The following RGS6 variants were observed in gnomAD, a reference collection of about 807,000 sequenced individuals.
The protein encoded by RGS6 is regulator of G-protein signaling 6.
A neutral mutation model predicts 78.5 loss-of-function variants in RGS6; 30 were observed. The observed-to-expected ratio is 0.38, with a 90% CI of 0.29 to 0.52. The LOEUF (loss-of-function observed/expected upper bound fraction) is 0.52, where lower values mean the gene tolerates loss of function less well. RGS6 is among the 20% of genes least tolerant of loss of function. The pLI is 0.85. For synonymous variants in RGS6, 206 were observed against 206.0 expected (o/e 1.00, Z 0.00); for missense variants, 495 against 609.7 (o/e 0.81, Z 1.98).
At chr14:72,527,427 A>G (rs2097132617) in intron 15 of RGS6, among the ~76,000 whole-genome samples, 1 of 152,208 alleles carries the variant, frequency 6.6e-6, no homozygotes, top group South Asian at 2.1e-4. Context: ...TCCTGGTTCC[A>G]TACTTACCTT....
intron 2 of RGS6, among the ~76,000 whole-genome samples, chr14:71,976,796 C>A (rs1249590631): frequency 6.6e-6 from 1 of 150,766 alleles, no homozygotes; most frequent in Non-Finnish European, 1.5e-5. Flanking sequence ...ATGGCTGGGT[C>A]AAATGGTATT....
chr14:71,952,459 A>T (rs974670039), intron 1 of RGS6, among the ~76,000 whole-genome samples: 15 of 151,862 alleles, frequency 9.9e-5, no homozygotes, highest in African/African-American at 3.6e-4. Flanking sequence ...TCTTCTTTTT[A>T]TACCATATCT....
the RGS6 span, among the ~76,000 whole-genome samples, chr14:72,584,455 A>T: frequency 6.6e-6 from 1 of 152,206 alleles, no homozygotes; most frequent in Non-Finnish European, 1.5e-5. Flanking sequence ...GCTACTTTAG[A>T]TTGGGTGGTC....
intron 2 of RGS6, among the ~76,000 whole-genome samples, chr14:72,174,770 A>G (rs2097082934): frequency 6.6e-6 from 1 of 152,188 alleles, no homozygotes; most frequent in Admixed American, 6.5e-5. Flanking sequence ...TATCAGAGCT[A>G]TTCAACCATT....
intron 2 of RGS6, 72 bp from the exon 3 acceptor site, chr14:72,352,023 C>G (rs2079189933): frequency 9.1e-7 from 1 of 1,100,440 alleles, no homozygotes; most frequent in Non-Finnish European, 1.3e-6. Context: ...TACATTTGGG[C>G]TGTTTAAAAA....
At chr14:72,165,881 T>G (rs2096918401) in intron 2 of RGS6, among the ~76,000 whole-genome samples, 1 of 152,240 alleles carries the variant, frequency 6.6e-6, no homozygotes, top group Non-Finnish European at 1.5e-5. Context: ...ATTCTTGCTG[T>G]GTTAAATATA....
intron 2 of RGS6, among the ~76,000 whole-genome samples, chr14:72,276,402 T>G (rs1345700623): frequency 1.3e-5 from 2 of 152,172 alleles, no homozygotes; most frequent in Non-Finnish European, 2.9e-5. Flanking sequence ...TTGCAGAATA[T>G]ACATGCAGCA....
At chr14:72,024,043 A>G (rs2089306461) in intron 2 of RGS6, among the ~76,000 whole-genome samples, 2 of 112,864 alleles carry the variant, frequency 1.8e-5, no homozygotes, top group Non-Finnish European at 3.9e-5. Flanking sequence ...TCTGCTTTGT[A>G]CATGTAGCAC....
intron 12 of RGS6, among the ~76,000 whole-genome samples, chr14:72,483,059 A>G (rs939060198): frequency 1.1e-4 from 16 of 152,198 alleles, no homozygotes; most frequent in African/African-American, 3.9e-4. Flanking sequence ...AAGTTGCCAG[A>G]TAAACAAGGT....
intron 1 of RGS6, among the ~76,000 whole-genome samples, chr14:71,960,060 C>T (rs1269184012): frequency 2.6e-5 from 4 of 152,176 alleles, no homozygotes; most frequent in African/African-American, 9.7e-5. Flanking sequence ...GAACCCTAGG[C>T]TTTGCTTGTT....
intron 2 of RGS6, among the ~76,000 whole-genome samples, chr14:72,242,043 G>T (rs2052997258): frequency 6.6e-6 from 1 of 152,210 alleles, no homozygotes; most frequent in Non-Finnish European, 1.5e-5. Flanking sequence ...AGCCAAAAGA[G>T]TTCTTTCTCT....
At chr14:71,941,542 A>T (rs1410654658) in intron 1 of RGS6, among the ~76,000 whole-genome samples, 1 of 152,214 alleles carries the variant, frequency 6.6e-6, no homozygotes. Flanking sequence ...GTCCCACAAT[A>T]GGCTATCTGT....
At chr14:72,153,372 G>T (rs916693195) in intron 2 of RGS6, among the ~76,000 whole-genome samples, 1 of 152,214 alleles carries the variant, frequency 6.6e-6, no homozygotes, top group Non-Finnish European at 1.5e-5. Flanking sequence ...AGCAGAGTGT[G>T]AAGAGTGATG....
chr14:71,966,168 A>G (rs541083272), intron 2 of RGS6, among the ~76,000 whole-genome samples: 3 of 152,324 alleles, frequency 2.0e-5, no homozygotes, highest in East Asian at 3.9e-4. Flanking sequence ...TCATTTCACT[A>G]ACTACTTGAG....
At chr14:72,302,904 G>A (rs373898875) in intron 2 of RGS6, among the ~76,000 whole-genome samples, 1 of 152,164 alleles carries the variant, frequency 6.6e-6, no homozygotes, top group South Asian at 2.1e-4. Context: ...TCTCGTGATA[G>A]TGAATAAGTC....
intron 3 of RGS6, chr14:72,421,755 C>A (rs983832079): frequency 6.6e-6 from 1 of 152,244 alleles, no homozygotes; most frequent in Non-Finnish European, 1.5e-5. Context: ...TGTTCCTGGG[C>A]AGTTGCACCC....
intron 2 of RGS6, among the ~76,000 whole-genome samples, chr14:72,101,833 C>T (rs938342877): frequency 5.9e-5 from 9 of 152,164 alleles, no homozygotes; most frequent in Admixed American, 1.3e-4. Flanking sequence ...GGCTAAGGCC[C>T]TCATAGGGGA....
intron 17 of RGS6, among the ~76,000 whole-genome samples, chr14:72,548,540 G>A (rs2097446809): frequency 6.6e-6 from 1 of 152,196 alleles, no homozygotes. Flanking sequence ...ACAAAAGTGG[G>A]AAAGGAAAAG....
At chr14:72,074,977 T>C (rs533576855) in intron 2 of RGS6, among the ~76,000 whole-genome samples, 1 of 152,334 alleles carries the variant, frequency 6.6e-6, no homozygotes, top group South Asian at 2.1e-4. Context: ...ATGAACTGCC[T>C]TTAAAAAGAA....
Sources: gnomAD v4.1 joint callset for allele counts (sites outside exome capture counted in the v4.1 genomes callset) on GRCh38, gnomAD v4.1.1 for gene constraint, MANE v1.5 for transcripts, NCBI Gene and HGNC (gene_info 2026-07-23, HGNC 2026-07-21) for gene names.